The following ZMIZ2 variants were observed in gnomAD, a reference collection of about 807,000 sequenced individuals.
ZMIZ2 encodes the protein zinc finger MIZ domain-containing protein 2.
A neutral mutation model predicts 93.9 loss-of-function variants in ZMIZ2; 26 were observed. The ratio of observed to expected loss-of-function variants is 0.28; its 90% CI spans 0.20 to 0.38. ZMIZ2 has a LOEUF of 0.38. Ranked by LOEUF, ZMIZ2 falls within the 10% of genes least tolerant of loss-of-function variation. The pLI is 1.00. For missense variants in ZMIZ2, 1,023 were observed against 1,235.0 expected, an observed-to-expected ratio of 0.83 and a Z score of 2.57; for synonymous variants, 485 against 516.4, an observed-to-expected ratio of 0.94 and a Z score of 0.82.
chr7:44,765,887 T>A lies in ZMIZ2; in HGVS notation c.2243-277T>A, dbSNP rs2116896408. ...GGACTGGCCCCATCTGGGGCCCCCC[T>A]CTGGGACCCACCTCACACGCGTGGT... is the stretch of plus-strand genomic sequence containing the variant. On this transcript the variant is annotated intron_variant, in intron 16 of 18. Transcript: ENST00000309315. The surrounding 1 kb of genome is among the most constrained non-coding windows in gnomAD (Gnocchi z 4.1). 7.4e-7 allele frequency: 1 copy of A among 1,353,724 alleles called. No homozygotes were observed. Among genetic ancestry groups the A allele is most frequent in the Non-Finnish European group, 9.6e-7 (1 of 1,044,920 alleles). The allele number at this position is 1,353,724 out of a possible 1,614,324, so 83.9% of individuals were successfully genotyped here.
rs1791874403 is a variant in ZMIZ2, at chr7:44,767,869, G to A, written c.*246G>A. 3.5e-6 allele frequency: 2 copies of A among 564,202 alleles called. No homozygotes were observed. Among genetic ancestry groups the A allele is most frequent in the Admixed American group, 6.1e-5 (2 of 32,850 alleles). The allele number at this position is 564,202 out of a possible 1,614,324, so 34.9% of individuals were successfully genotyped here. The stretch of plus-strand genomic sequence containing the variant: ...CTGCCAAGCCTGCTGCTGCAGAACG[G>A]TTTTTGCTGAGGTGCCCCTGCCCAG... On this transcript the variant is annotated 3_prime_UTR_variant, in exon 19 of 19. Coordinates refer to ENST00000309315, the MANE Select transcript of ZMIZ2 (RefSeq NM_031449.4).
Position 44,757,959 on chromosome 7 carries a change from T to C in ZMIZ2, c.664T>C (p.Ser222Pro). 6.2e-7 allele frequency: 1 copy of C among 1,612,692 alleles called. No individual in the cohort carries two copies. Among genetic ancestry groups the C allele is most frequent in the South Asian group, 1.1e-5 (1 of 90,662 alleles). The part of the protein sequence containing the change: ...PTGIGGVMGP[S>P]GLSPLAMNPT... ...TGGCATAGGAGGGGTAATGGGCCCC[T>C]CTGGCCTCTCCCCCTTGGCTATGAA... Residue 222 changes from serine (S) to proline (P), a missense_variant, in exon 6 of 19, where the codon TCT (serine) becomes CCT (proline). Coordinates refer to ENST00000309315, the MANE Select transcript of ZMIZ2 (RefSeq NM_031449.4).
rs1160307398 is a variant in ZMIZ2 at position 44,763,135 on chromosome 7, CA to C, written c.1703-120del. The C allele has an allele frequency of 6.8e-7, 1 of 1,481,036 alleles. No individual in the cohort carries two copies. The highest frequency in any genetic ancestry group is 9.2e-7 in the Non-Finnish European group (1 of 1,083,392). 91.7% of individuals were successfully genotyped at this position (1,481,036 alleles called of 1,614,324 possible). A position where few individuals can be genotyped will look rare whatever the true frequency, so the allele number is the denominator to read the frequency against. ...CTGCAGTAGGGGCAGTGGTTAGTTC[CA>C]GGTGGCCCCTCAGAGCTGTCAGTGG... On this transcript the variant is annotated intron_variant, in intron 12 of 18. Transcript: ENST00000309315. The surrounding 1 kb of genome is among the most constrained non-coding windows in gnomAD (Gnocchi z 5.6).
chr7:44,757,012 AG>A lies in ZMIZ2; in HGVS notation c.236del (p.Gly79AlafsTer5). 1 of 1,612,564 alleles carries A rather than the reference AG, an allele frequency of 6.2e-7. No homozygotes were observed. The highest frequency in any genetic ancestry group is 8.5e-7 in the Non-Finnish European group (1 of 1,179,470). ...SGSSMMPGVAGGSSALTSPQC... is the reference protein window; with the variant it reads ...SGSSMMPGVAXGSSALTSPQC... ...GCAGCTCCATGATGCCTGGTGTGGC[AG>A]GGGGCAGCTCCGCCTTGACCTCCCC... On this transcript the variant is annotated frameshift_variant, in exon 4 of 19. Transcript: ENST00000309315. LOFTEE classifies it high-confidence loss of function.
rs1263742620 is a variant in ZMIZ2, at chr7:44,748,953, G to C, written c.-101G>C. 2 of 148,810 alleles carry C rather than the reference G, an allele frequency of 1.3e-5. No homozygotes were observed. Among genetic ancestry groups the C allele is most frequent in the East Asian group, 3.9e-4 (2 of 5,140 alleles). The allele number at this position is 148,810 out of a possible 1,614,324, so 9.2% of individuals were successfully genotyped here. On this transcript the variant is annotated 5_prime_UTR_variant, in exon 1 of 19. Transcript: ENST00000309315. Reference sequence around the variant, plus strand: ...GAGCGCATGGAGCGGCGCGGGCCGGGGGCCGCCACGGCGAGGGGCCGGGCC... The same window carrying C: ...GAGCGCATGGAGCGGCGCGGGCCGGCGGCCGCCACGGCGAGGGGCCGGGCC...
chr7:44,766,606 C>T lies in ZMIZ2; in HGVS notation c.2598C>T (p.Gly866=), dbSNP rs888299846. Residue 866 remains glycine (G), a synonymous_variant, in exon 18 of 19, where the codon GGC becomes GGT. Coordinates refer to ENST00000309315, the MANE Select transcript of ZMIZ2 (RefSeq NM_031449.4). This position sits in a 1 kb window ranked among gnomAD's most constrained non-coding sequence, Gnocchi z 4.4. ...TGELAFSPAT[G]VMGPPSMSGA... is the part of the protein sequence containing the mutation. ...AACTGGCCTTCAGTCCTGCCACAGG[C>T]GTGATGGGGCCCCCCAGCATGTCTG... 1.7e-5 allele frequency: 27 copies of T among 1,613,270 alleles called. No individual in the cohort carries two copies. The highest frequency in any genetic ancestry group is 2.0e-5 in the Non-Finnish European group (24 of 1,180,016).
chr7:44,765,234 TG>T lies in ZMIZ2; in HGVS notation c.1998-96del. On this transcript the variant is annotated intron_variant, in intron 15 of 18. Coordinates refer to ENST00000309315, the MANE Select transcript of ZMIZ2 (RefSeq NM_031449.4). This position sits in a 1 kb window ranked among gnomAD's most constrained non-coding sequence, Gnocchi z 4.1. ...TGCTGGGTGGAAGCAAGCATTTGAG[TG>T]GGGGAACCTGCCTGGAAACAGCCCA... 6.4e-7 allele frequency: 1 copy of T among 1,563,202 alleles called. No homozygotes were observed. The highest frequency in any genetic ancestry group is 8.7e-7 in the Non-Finnish European group (1 of 1,155,294).
Position 44,763,498 on chromosome 7 carries a change from A to G in ZMIZ2, c.1860+85A>G. The G allele has an allele frequency of 6.5e-7, 1 of 1,531,720 alleles. No homozygotes were observed. Among genetic ancestry groups the G allele is most frequent in the Admixed American group, 1.8e-5 (1 of 55,516 alleles). The allele number at this position is 1,531,720 out of a possible 1,614,324, so 94.9% of individuals were successfully genotyped here. On this transcript the variant is annotated intron_variant, in intron 13 of 18. Coordinates refer to ENST00000309315, the MANE Select transcript of ZMIZ2 (RefSeq NM_031449.4). The surrounding 1 kb of genome is among the most constrained non-coding windows in gnomAD (Gnocchi z 5.6). ...TACATCAGTGTCATTCTCTGGACAG[A>G]CGTGAACTCCGAGTGCCTTGGCTGT...
At position 44,760,172 on chromosome 7, in the gene ZMIZ2, C is replaced by A. The variant is rs767693264; in HGVS notation, c.1015C>A (p.Gln339Lys). 2 of 1,613,866 alleles carry A rather than the reference C, an allele frequency of 1.2e-6. No individual in the cohort carries two copies. The highest frequency in any genetic ancestry group is 1.7e-6 in the Non-Finnish European group (2 of 1,179,972). Residue 339 changes from glutamine to lysine, a missense_variant, in exon 8 of 19, where the codon CAG becomes AAG. Transcript: ENST00000309315. ...GCAGCCCACAGAGCAGTTCAACGGG[C>A]AGGGCGCCAGCTTCAACGGGGGCAG... ...HYKPTEQFNG[Q>K]GASFNGGSVS...
chr7:44,752,335 G>GT (rs1477239399), intron 1 of ZMIZ2, among the ~76,000 whole-genome samples: 1 of 151,988 alleles, frequency 6.6e-6, no homozygotes, highest in African/African-American at 2.4e-5. Context: ...TAGAGTTGGG[G>GT]TTTCACCATG....
rs764716481 is a variant in ZMIZ2 at position 44,764,475 on chromosome 7, T to C, written c.1917T>C (p.Cys639=). 7 of 1,614,150 alleles carry C rather than the reference T, an allele frequency of 4.3e-6. No individual in the cohort carries two copies. The East Asian group carries it at 1.6e-4, about 36-fold the overall frequency. Residue 639 remains cysteine, a synonymous_variant, in exon 14 of 19, where the codon TGT becomes TGC. Transcript: ENST00000309315. ...QLNCERGTWR[C]PVCNKTALLE... is the part of the protein sequence containing the mutation. ...ACTGTGAGCGGGGGACTTGGAGGTG[T>C]CCTGTGTGCAAGTGAGTCTCAGATG... is the stretch of plus-strand genomic sequence containing the variant.
intron 7 of ZMIZ2, 67 bp downstream of exon 7, chr7:44,759,527 G>C (rs545048308): frequency 7.5e-7 from 1 of 1,325,480 alleles, no homozygotes; most frequent in South Asian, 2.3e-5. Context: ...GGGGACCTTG[G>C]GGCAGTCCTG....
Position 44,766,271 on chromosome 7 carries a change from C to A in ZMIZ2, c.2350C>A (p.Gln784Lys). Residue 784 changes from glutamine to lysine, a missense_variant, in exon 17 of 19, where the codon CAG (glutamine) becomes AAG (lysine). Physicochemically the swap from Gln to Lys is moderately conservative, Grantham distance 53. Transcript: ENST00000309315. The surrounding 1 kb of genome is among the most constrained non-coding windows in gnomAD (Gnocchi z 4.4). ...CCCGGGACCACCCCCCATCTCCTACCAGTCTGACATTCCCAGCAGCCTCCT... is the reference window on the plus strand; with the variant it reads ...CCCGGGACCACCCCCCATCTCCTACAAGTCTGACATTCCCAGCAGCCTCCT... ...FTPGPPPISY[Q>K]SDIPSSLLTS... The A allele has an allele frequency of 6.2e-7, 1 of 1,600,118 alleles. No individual in the cohort carries two copies. Among genetic ancestry groups the A allele is most frequent in the Non-Finnish European group, 8.5e-7 (1 of 1,173,236 alleles).
At position 44,757,967 on chromosome 7, in the gene ZMIZ2, C is replaced by A; in HGVS notation, c.672C>A (p.Leu224=). ...GAGGGGTAATGGGCCCCTCTGGCCT[C>A]TCCCCCTTGGCTATGAACCCCACCC... ...GIGGVMGPSG[L]SPLAMNPTRA... The change falls in exon 6 of 19, where the codon CTC becomes CTA. Residue 224 remains leucine (L), a synonymous_variant. Coordinates refer to ENST00000309315, the MANE Select transcript of ZMIZ2 (RefSeq NM_031449.4). The A allele has an allele frequency of 3.1e-6, 5 of 1,612,564 alleles. No homozygotes were observed. The highest frequency in any genetic ancestry group is 4.2e-6 in the Non-Finnish European group (5 of 1,179,306).
chr7:44,761,909 C>T lies in ZMIZ2; in HGVS notation c.1596+4C>T, dbSNP rs1205352257. ...CACCGTCACCGCCTGCTGCTGCGTG[C>T]GTGTCCTGCGCCGAGGGGGCGGTGC... On this transcript the variant is annotated splice_donor_region_variant and intron_variant, in intron 11 of 18. Coordinates refer to ENST00000309315, the MANE Select transcript of ZMIZ2 (RefSeq NM_031449.4). The surrounding 1 kb of genome is among the most constrained non-coding windows in gnomAD (Gnocchi z 5.8). The T allele has an allele frequency of 6.9e-7, 1 of 1,459,312 alleles. No individual in the cohort carries two copies. Among genetic ancestry groups the T allele is most frequent in the East Asian group, 3.3e-5 (1 of 30,694 alleles). The allele number at this position is 1,459,312 out of a possible 1,614,324, so 90.4% of individuals were successfully genotyped here. A position where few individuals can be genotyped will look rare whatever the true frequency, so the allele number is the denominator to read the frequency against.
Position 44,766,497 on chromosome 7 carries a change from C to T in ZMIZ2, c.2489C>T (p.Pro830Leu). ...PGLHTSNLGAPPGPQLHHSNP... is the reference protein window; with the variant it reads ...PGLHTSNLGALPGPQLHHSNP... ...CTACACACCTCCAACCTTGGGGCCC[C>T]TCCAGGTCCCCAGCTGCACCATTCA... The change falls in exon 18 of 19, where the codon CCT becomes CTT. Residue 830 changes from proline to leucine, a missense_variant. By Grantham distance (98) the Pro-to-Leu change is moderately conservative. Transcript: ENST00000309315. This position sits in a 1 kb window ranked among gnomAD's most constrained non-coding sequence, Gnocchi z 4.4. The T allele has an allele frequency of 6.2e-7, 1 of 1,614,196 alleles. No individual in the cohort carries two copies. The highest frequency in any genetic ancestry group is 1.1e-5 in the South Asian group (1 of 91,092).
Position 44,761,667 on chromosome 7 carries a change from C to T in ZMIZ2, c.1386-28C>T. ...CTCCCACACTCTCAGGGCCCGTTTT[C>T]TGGGTGTCCACCCATCTTCCTGAGC... is the stretch of plus-strand genomic sequence containing the variant. On this transcript the variant is annotated intron_variant, in intron 10 of 18. Transcript: ENST00000309315. The surrounding 1 kb of genome is among the most constrained non-coding windows in gnomAD (Gnocchi z 5.8). 12 of 1,613,724 alleles carry T rather than the reference C, an allele frequency of 7.4e-6. No homozygotes were observed. The highest frequency in any genetic ancestry group is 9.3e-6 in the Non-Finnish European group (11 of 1,179,818).
Position 44,762,930 on chromosome 7 carries a change from T to C in ZMIZ2, c.1646T>C (p.Val549Ala), listed in dbSNP as rs767487739. The part of the protein sequence containing the change: ...QLVHRPSVRS[V>A]LQGLLKKRLL... ...GTGCACCGCCCATCCGTCCGCTCGG[T>C]GCTGCAGGGCCTCCTCAAAAAGCGC... is the stretch of plus-strand genomic sequence containing the variant. Residue 549 changes from valine to alanine, a missense_variant, in exon 12 of 19, where the codon GTG (valine) becomes GCG (alanine). Physicochemically the swap from Val to Ala is moderately conservative, Grantham distance 64. This residue lies in a region of ZMIZ2 where 656 missense variants were observed against 777.1 expected (regional missense o/e 0.84). Coordinates refer to ENST00000309315, the MANE Select transcript of ZMIZ2 (RefSeq NM_031449.4). The C allele has an allele frequency of 8.7e-6, 14 of 1,613,600 alleles. No homozygotes were observed. In the East Asian group the frequency reaches 3.1e-4, roughly 36 times the overall value.
intron 1 of ZMIZ2, 50 bp from the exon 2 acceptor site, chr7:44,756,138 G>C: frequency 6.7e-7 from 1 of 1,493,070 alleles, no homozygotes; most frequent in South Asian, 1.2e-5. Context: ...CCTGCTGAAA[G>C]GGTCTCCTGG....
Sources: allele counts gnomAD v4.1 joint callset (sites outside exome capture counted in the v4.1 genomes callset), GRCh38; gene constraint gnomAD v4.1.1; regional missense constraint gnomAD v4.1.1; non-coding constraint Gnocchi (gnomAD v3.1); transcripts MANE v1.5; gene names NCBI Gene and HGNC (gene_info 2026-07-23, HGNC 2026-07-21).